The following CHEK1 variants were observed in gnomAD, a reference collection of about 807,000 sequenced individuals.
CHEK1 encodes the protein checkpoint kinase 1.
Under a neutral mutation model 60.2 loss-of-function variants are expected in CHEK1, and 32 were observed. The ratio of observed to expected loss-of-function variants is 0.53; its 90% CI spans 0.40 to 0.71. The LOEUF (loss-of-function observed/expected upper bound fraction) is 0.71, where lower values mean the gene tolerates loss of function less well. CHEK1 is among the 30% of genes least tolerant of loss of function. The probability of loss-of-function intolerance (pLI) is 0.00; values close to 1 mark genes in which losing one functional copy is unlikely to be tolerated. For missense variants in CHEK1, 399 were observed against 564.6 expected, an observed-to-expected ratio of 0.71 and a Z score of 2.97; for synonymous variants, 179 against 187.2, an observed-to-expected ratio of 0.96 and a Z score of 0.36.
chr11:125,626,838 G>A lies in CHEK1; in HGVS notation c.65+5G>A, dbSNP rs1004405082. Reference sequence around the variant, plus strand: ...GGGAGAAGGTGCCTATGGAGAGTGAGTTCTTTTAAGCTTGCCTTCGTTTTC... The same window carrying A: ...GGGAGAAGGTGCCTATGGAGAGTGAATTCTTTTAAGCTTGCCTTCGTTTTC... On this transcript the variant is annotated splice_donor_5th_base_variant and intron_variant, in intron 2 of 12. Transcript: ENST00000438015. 1 of 1,614,110 alleles carries A rather than the reference G, an allele frequency of 6.2e-7. No homozygotes were observed. The highest frequency in any genetic ancestry group is 8.5e-7 in the Non-Finnish European group (1 of 1,179,996).
rs1941911932 is a variant in CHEK1 at position 125,656,716 on chromosome 11, T to G, written c.*1396T>G. ...CACTTGAATGTCTAGTAGGCATCTC[T>G]TGACCAAAAACAGCTTTTGATTCCT... On this transcript the variant is annotated 3_prime_UTR_variant, in exon 13 of 13. Coordinates refer to ENST00000438015, the MANE Select transcript of CHEK1 (RefSeq NM_001114122.3). The G allele has an allele frequency of 4.6e-6, 1 of 215,080 alleles. No homozygotes were observed. The highest frequency in any genetic ancestry group is 1.9e-4 in the South Asian group (1 of 5,360). 13.3% of individuals were successfully genotyped at this position (215,080 alleles called of 1,614,324 possible).
chr11:125,633,802 G>A (rs1032879741), intron 6 of CHEK1, among the ~76,000 whole-genome samples: 1 of 152,124 alleles, frequency 6.6e-6, no homozygotes, highest in African/African-American at 2.4e-5. Flanking sequence ...GGTAACTGCT[G>A]TAACAAAGTA....
chr11:125,659,494 C>T (rs1941975505), downstream of CHEK1, among the ~76,000 whole-genome samples: 1 of 151,988 alleles, frequency 6.6e-6, no homozygotes, highest in Admixed American at 6.6e-5. Flanking sequence ...CATTTTTCTT[C>T]ATGCCACAAA....
chr11:125,667,764 G>A (rs960367215), intron 13 of CHEK1, among the ~76,000 whole-genome samples: 1 of 152,074 alleles, frequency 6.6e-6, no homozygotes, highest in African/African-American at 2.4e-5. Flanking sequence ...GGAATTACAG[G>A]TGCATGCCAC....
intron 2 of CHEK1, among the ~76,000 whole-genome samples, chr11:125,627,395 C>T (rs1046004863): frequency 1.3e-5 from 2 of 152,164 alleles, no homozygotes; most frequent in African/African-American, 4.8e-5. Flanking sequence ...ACTTGTGTGA[C>T]AGCATAATGA....
At chr11:125,669,922 GTTA>G (rs934424212) in intron 13 of CHEK1, among the ~76,000 whole-genome samples, 1 of 152,120 alleles carries the variant, frequency 6.6e-6, no homozygotes, top group Non-Finnish European at 1.5e-5. Context: ...GCAAAATTTA[GTTA>G]TTATTTATTT....
In CHEK1 at chr11:125,655,374, T is replaced by C; in HGVS notation, c.*54T>C. The C allele has an allele frequency of 7.9e-7, 1 of 1,259,626 alleles. No individual in the cohort carries two copies. Among genetic ancestry groups the C allele is most frequent in the South Asian group, 1.3e-5 (1 of 79,678 alleles). 78.0% of individuals were successfully genotyped at this position (1,259,626 alleles called of 1,614,324 possible). A position where few individuals can be genotyped will look rare whatever the true frequency, so the allele number is the denominator to read the frequency against. On this transcript the variant is annotated 3_prime_UTR_variant, in exon 13 of 13. Coordinates refer to ENST00000438015, the MANE Select transcript of CHEK1 (RefSeq NM_001114122.3). Reference sequence around the variant, plus strand: ...TGAATATAGTGCTGCTATGTTGACATTATTCTTCCTAGAGAAGATTATCCT... The same window carrying C: ...TGAATATAGTGCTGCTATGTTGACACTATTCTTCCTAGAGAAGATTATCCT...
At chr11:125,627,247 A>G (rs1940655758) in intron 2 of CHEK1, among the ~76,000 whole-genome samples, 1 of 152,186 alleles carries the variant, frequency 6.6e-6, no homozygotes, top group South Asian at 2.1e-4. Flanking sequence ...CATCTACCCC[A>G]TAGGAGCTTA....
At chr11:125,678,636 A>G (rs1942636332), downstream of CHEK1, among the ~76,000 whole-genome samples, 1 of 152,148 alleles carries the variant, frequency 6.6e-6, no homozygotes, top group Admixed American at 6.5e-5. Flanking sequence ...AGTCAGCATC[A>G]GGAAGTCAGG....
chr11:125,644,009 T>A, intron 9 of CHEK1, 82 bp from the exon 10 acceptor site: 3 of 1,536,946 alleles, frequency 2.0e-6, no homozygotes, highest in Non-Finnish European at 2.7e-6. Context: ...ACTGTAAGCA[T>A]GAGAACTTGT....
chr11:125,654,095 C>G (rs549108090), intron 12 of CHEK1, among the ~76,000 whole-genome samples: 1 of 152,082 alleles, frequency 6.6e-6, no homozygotes, highest in African/African-American at 2.4e-5. Flanking sequence ...CTTTGGGAGT[C>G]CGAGACGGGT....
intron 8 of CHEK1, among the ~76,000 whole-genome samples, chr11:125,637,787 G>T (rs548251947): frequency 1.3e-5 from 2 of 152,186 alleles, no homozygotes; most frequent in Admixed American, 1.3e-4. Context: ...TCTTCCTGAA[G>T]AAATTACATT....
intron 13 of CHEK1, among the ~76,000 whole-genome samples, chr11:125,664,603 C>T (rs913493775): frequency 3.3e-5 from 5 of 152,122 alleles, no homozygotes; most frequent in South Asian, 2.1e-4. Context: ...GTTCTTTTGC[C>T]CATTTTAAAA....
intron 13 of CHEK1, among the ~76,000 whole-genome samples, chr11:125,668,532 A>T (rs939872036): frequency 6.6e-6 from 1 of 151,742 alleles, no homozygotes; most frequent in African/African-American, 2.4e-5. Context: ...CTCATTTTTA[A>T]TTAATTATTT....
chr11:125,662,466 A>T (rs2136078964), intron 13 of CHEK1, among the ~76,000 whole-genome samples: 1 of 152,308 alleles, frequency 6.6e-6, no homozygotes, highest in South Asian at 2.1e-4. Context: ...GAGCATTCAG[A>T]CTACAGCGGT....
At chr11:125,636,341 C>G (rs927765069) in intron 7 of CHEK1, among the ~76,000 whole-genome samples, 2 of 150,606 alleles carry the variant, frequency 1.3e-5, no homozygotes, top group Non-Finnish European at 3.0e-5. Flanking sequence ...TGTGGATATG[C>G]CTTACTTTAC....
chr11:125,650,986 T>G (rs1032184198), intron 11 of CHEK1, among the ~76,000 whole-genome samples: 4 of 152,126 alleles, frequency 2.6e-5, no homozygotes, highest in Non-Finnish European at 5.9e-5. Context: ...AGGGCACATG[T>G]AGAGCTTAGG....
At chr11:125,640,985 A>G (rs1045644451) in intron 8 of CHEK1, among the ~76,000 whole-genome samples, 15 of 152,252 alleles carry the variant, frequency 9.9e-5, no homozygotes, top group East Asian at 5.8e-4. Flanking sequence ...GTGCTGTCCT[A>G]CTTCATCTCA....
chr11:125,634,666 G>A (rs1940997242), intron 6 of CHEK1, among the ~76,000 whole-genome samples: 1 of 151,952 alleles, frequency 6.6e-6, no homozygotes, highest in African/African-American at 2.4e-5. Context: ...ACATTAATAA[G>A]CTCTTAATAA....
Sources: allele counts gnomAD v4.1 joint callset (sites outside exome capture counted in the v4.1 genomes callset), GRCh38; gene constraint gnomAD v4.1.1; transcripts MANE v1.5; gene names NCBI Gene and HGNC (gene_info 2026-07-23, HGNC 2026-07-21).